TMPRSS11F: variants seen among roughly 807,000 people sequenced by gnomAD.
TMPRSS11F encodes transmembrane serine protease 11F.
A neutral mutation model predicts 60.2 loss-of-function variants in TMPRSS11F; 47 were observed. The ratio of observed to expected loss-of-function variants is 0.78; its 90% confidence interval spans 0.62 to 1.00. The LOEUF is 1.00. Among genes scored for constraint, TMPRSS11F ranks in the 50% least tolerant of loss-of-function variants. TMPRSS11F has a pLI of 0.00. For missense variants in TMPRSS11F, 519 were observed against 522.9 expected, an observed-to-expected ratio of 0.99 and a Z score of 0.07; for synonymous variants, 166 against 167.3, an observed-to-expected ratio of 0.99 and a Z score of 0.06.
intron 9 of TMPRSS11F, among the ~76,000 whole-genome samples, chr4:68,057,867 A>ATTATCTAC (rs57157408): frequency 0.37 from 56,361 of 152,120 alleles, 12,273 homozygotes; most frequent in Non-Finnish European, 0.51. Flanking sequence ...TATATCTACA[A>ATTATCTAC]AATAAATATT....
At chr4:68,070,089 G>T in intron 5 of TMPRSS11F, 82 bp from the exon 6 acceptor site, 1 of 1,171,838 alleles carries the variant, frequency 8.5e-7, no homozygotes. Context: ...GTCATTAATA[G>T]AAATGTGAAT....
chr4:68,068,544 C>G, intron 7 of TMPRSS11F, 74 bp downstream of exon 7: 1 of 1,311,088 alleles, frequency 7.6e-7, no homozygotes, highest in Non-Finnish European at 1.1e-6. Context: ...AGAGACTGGA[C>G]TCTTCTGATG....
At chr4:68,113,854 A>T (rs1724459561) in intron 1 of TMPRSS11F, among the ~76,000 whole-genome samples, 1 of 152,150 alleles carries the variant, frequency 6.6e-6, no homozygotes, top group Non-Finnish European at 1.5e-5. Flanking sequence ...CATATACAAA[A>T]CTAATAAAAA....
At chr4:68,060,151 G>A (rs6842713) in intron 8 of TMPRSS11F, among the ~76,000 whole-genome samples, 144,802 of 151,658 alleles carry the variant, frequency 0.95, 69,515 homozygotes, top group East Asian at 1. Flanking sequence ...ATATGCATGG[G>A]GCATTTGGAA....
chr4:68,111,820 T>C (rs1407276165), intron 1 of TMPRSS11F, among the ~76,000 whole-genome samples: 4 of 152,156 alleles, frequency 2.6e-5, no homozygotes, highest in Non-Finnish European at 5.9e-5. Flanking sequence ...GCAAGGTAAA[T>C]TTGACAAGTA....
chr4:68,061,260 G>A (rs569144769), intron 8 of TMPRSS11F, among the ~76,000 whole-genome samples: 1 of 152,244 alleles, frequency 6.6e-6, no homozygotes, highest in African/African-American at 2.4e-5. Flanking sequence ...ACACTGTTCT[G>A]AGGAATCGTT....
intron 6 of TMPRSS11F, 58 bp from the exon 7 acceptor site, chr4:68,068,877 T>G: frequency 6.4e-7 from 1 of 1,566,666 alleles, no homozygotes. Flanking sequence ...AAGTATATTC[T>G]GATTTGCTTT....
chr4:68,060,823 G>A lies in TMPRSS11F; in HGVS notation c.1016-1355C>T, dbSNP rs77467113. Reference sequence around the variant, plus strand: ...TAAATGAAAAAATACAGAATTTCACGGTCTTTTTGGATTTCTTTTAAGGCC... The same window carrying A: ...TAAATGAAAAAATACAGAATTTCACAGTCTTTTTGGATTTCTTTTAAGGCC... On this transcript the variant is annotated intron_variant, in intron 8 of 9. Coordinates refer to ENST00000356291, the MANE Select transcript of TMPRSS11F (RefSeq NM_207407.2). 9.3e-3 allele frequency among the ~76,000 whole-genome samples: 1,405 copies of A among 151,224 alleles called. 20 individuals are homozygous for A. The highest frequency in any genetic ancestry group is 0.033 in the African/African-American group (1,351 of 41,252).
At chr4:68,102,696 G>A (rs1724217514) in intron 1 of TMPRSS11F, among the ~76,000 whole-genome samples, 1 of 152,046 alleles carries the variant, frequency 6.6e-6, no homozygotes, top group Admixed American at 6.6e-5. Flanking sequence ...TGTATGAGTT[G>A]TTTATAAATT....
At chr4:68,103,688 T>C (rs951336893) in intron 1 of TMPRSS11F, among the ~76,000 whole-genome samples, 2 of 152,158 alleles carry the variant, frequency 1.3e-5, no homozygotes, top group African/African-American at 2.4e-5. Flanking sequence ...TTTCTATTTC[T>C]ATGAAGAATG....
chr4:68,111,245 C>T lies in TMPRSS11F; in HGVS notation c.12-12207G>A, dbSNP rs575609120. Among the ~76,000 whole-genome samples the T allele has an allele frequency of 3.9e-5, 6 of 152,216 alleles. No homozygotes were observed. The East Asian group carries it at 1.2e-3, about 29-fold the overall frequency. On this transcript the variant is annotated intron_variant, in intron 1 of 9. Transcript: ENST00000356291. ...CTTCACCCATCTCAGTTTTATATTT[C>T]CAAAATGATTCTTTCTCATGCACTG...
intron 1 of TMPRSS11F, among the ~76,000 whole-genome samples, chr4:68,128,997 C>A (rs564035401): frequency 6.6e-6 from 1 of 152,022 alleles, no homozygotes; most frequent in Non-Finnish European, 1.5e-5. Flanking sequence ...AAAATTATCA[C>A]AAAATCATGA....
chr4:68,114,168 C>T (rs1724466336), intron 1 of TMPRSS11F, among the ~76,000 whole-genome samples: 1 of 151,278 alleles, frequency 6.6e-6, no homozygotes, highest in Admixed American at 6.6e-5. Context: ...AATAAGAAAA[C>T]AAGAAAACAA....
chr4:68,064,545 G>A (rs974391673), intron 8 of TMPRSS11F, 140 bp downstream of exon 8: 8 of 961,680 alleles, frequency 8.3e-6, no homozygotes, highest in African/African-American at 1.7e-5. Context: ...TTAACCCACA[G>A]TCTCCTGTTC....
rs184579535 is a variant in TMPRSS11F, at chr4:68,088,170, T to C, written c.282+2353A>G. Reference sequence around the variant, plus strand: ...CCCATCTCATGTGCAGAGACACACATAGGCACAAAATAAAAGGATGGAGGA... The same window carrying C: ...CCCATCTCATGTGCAGAGACACACACAGGCACAAAATAAAAGGATGGAGGA... On this transcript the variant is annotated intron_variant, in intron 3 of 9. Transcript: ENST00000356291. Among the ~76,000 whole-genome samples, 610 of 151,856 alleles carry C rather than the reference T, an allele frequency of 4.0e-3. 1 individual carries two copies. The highest frequency in any genetic ancestry group is 0.01 in the Middle Eastern group (3 of 294).
chr4:68,091,735 A>G (rs1161978174), intron 2 of TMPRSS11F, among the ~76,000 whole-genome samples: 4 of 142,204 alleles, frequency 2.8e-5, no homozygotes, highest in African/African-American at 1.1e-4. Context: ...ACTATAACCC[A>G]TTTAATCTCT....
chr4:68,128,438 C>CA (rs1724755997), intron 1 of TMPRSS11F, among the ~76,000 whole-genome samples: 1 of 151,758 alleles, frequency 6.6e-6, no homozygotes, highest in Non-Finnish European at 1.5e-5. Context: ...ATAATAAAAC[C>CA]AAAAAATCCT....
chr4:68,058,332 T>C (rs978830599), intron 9 of TMPRSS11F, among the ~76,000 whole-genome samples: 1 of 152,210 alleles, frequency 6.6e-6, no homozygotes, highest in Non-Finnish European at 1.5e-5. Flanking sequence ...TTGTACTCCA[T>C]AGATGTAATA....
intron 1 of TMPRSS11F, among the ~76,000 whole-genome samples, chr4:68,105,995 G>T (rs1724296235): frequency 6.6e-6 from 1 of 152,036 alleles, no homozygotes; most frequent in African/African-American, 2.4e-5. Context: ...AAAAACTTGT[G>T]GGATTATGCT....
Sources: gnomAD v4.1 joint callset for allele counts (sites outside exome capture counted in the v4.1 genomes callset) on GRCh38, gnomAD v4.1.1 for gene constraint, MANE v1.5 for transcripts, NCBI Gene and HGNC (gene_info 2026-07-23, HGNC 2026-07-21) for gene names.